KIF27: variants seen among roughly 807,000 people sequenced by gnomAD.
The protein encoded by KIF27 is kinesin family member 27.
KIF27 carries 84 observed loss-of-function variants against 141.8 expected under a neutral mutation model. The observed-to-expected ratio is 0.59, with a 90% CI of 0.50 to 0.71. KIF27 has a LOEUF of 0.71. Ranked by LOEUF, KIF27 falls within the 30% of genes least tolerant of loss-of-function variation. The pLI, the probability that KIF27 is intolerant of heterozygous loss-of-function variation, is 0.00. For synonymous variants in KIF27, 471 were observed against 569.5 expected (o/e 0.83, Z 2.46); for missense variants, 1,306 against 1,628.4 (o/e 0.80, Z 3.41).
At chr9:83,844,815 T>C (rs1947045119) in intron 16 of KIF27, among the ~76,000 whole-genome samples, 1 of 152,218 alleles carries the variant, frequency 6.6e-6, no homozygotes, top group South Asian at 2.1e-4. Flanking sequence ...CCTGTCGAAA[T>C]ATTCCTTCTA....
Position 83,915,638 on chromosome 9 carries a change from T to G in KIF27, c.-47A>C, listed in dbSNP as rs1339321729. 30 of 1,489,526 alleles carry G rather than the reference T, an allele frequency of 2.0e-5. No individual in the cohort carries two copies. Among genetic ancestry groups the G allele is most frequent in the Admixed American group, 4.4e-5 (2 of 45,268 alleles). The allele number at this position is 1,489,526 out of a possible 1,614,324, so 92.3% of individuals were successfully genotyped here. On this transcript the variant is annotated 5_prime_UTR_variant, in exon 2 of 18. Coordinates refer to ENST00000297814, the MANE Select transcript of KIF27 (RefSeq NM_017576.4). ...TAGATTTTCTATTTAATGTTCAGTATCTAGTGTGAGAGACTTCCATCTTAT... is the reference window on the plus strand; with the variant it reads ...TAGATTTTCTATTTAATGTTCAGTAGCTAGTGTGAGAGACTTCCATCTTAT...
At chr9:83,882,625 C>A (rs988577055) in intron 10 of KIF27, among the ~76,000 whole-genome samples, 3 of 152,152 alleles carry the variant, frequency 2.0e-5, no homozygotes, top group African/African-American at 7.2e-5. Flanking sequence ...TACAAAATTT[C>A]TAAAACTATG....
intron 11 of KIF27, among the ~76,000 whole-genome samples, chr9:83,871,317 T>C (rs1434066412): frequency 6.6e-6 from 1 of 152,182 alleles, no homozygotes; most frequent in Non-Finnish European, 1.5e-5. Flanking sequence ...CCAGGATAAT[T>C]AGCATATCTA....
intron 2 of KIF27, 22 bp from the exon 3 acceptor site, chr9:83,908,674 G>A: frequency 1.3e-6 from 2 of 1,503,710 alleles, no homozygotes; most frequent in South Asian, 1.3e-5. Context: ...GAAAAAGAAA[G>A]CACATCTGGA....
At chr9:83,862,267 T>C (rs1444838876) in intron 13 of KIF27, among the ~76,000 whole-genome samples, 1 of 152,086 alleles carries the variant, frequency 6.6e-6, no homozygotes. Flanking sequence ...ATGTCCTGAA[T>C]GGTATTGCCT....
rs527530149 is a variant in KIF27, at chr9:83,858,906, T to C, written c.3150+250A>G. The C allele has an allele frequency of 5.3e-5, 27 of 512,050 alleles. No individual in the cohort carries two copies. The Middle Eastern group carries it at 4.4e-3, about 83-fold the overall frequency. 31.7% of individuals were successfully genotyped at this position (512,050 alleles called of 1,614,324 possible). ...AGGAGGCAAATATACTCAAGGAAAGTAATAGTTTCCAAATGCCTGGCAGTG... is the reference window on the plus strand; with the variant it reads ...AGGAGGCAAATATACTCAAGGAAAGCAATAGTTTCCAAATGCCTGGCAGTG... On this transcript the variant is annotated intron_variant, in intron 14 of 17. Coordinates refer to ENST00000297814, the MANE Select transcript of KIF27 (RefSeq NM_017576.4).
intron 4 of KIF27, among the ~76,000 whole-genome samples, chr9:83,901,688 C>T (rs1343632281): frequency 6.6e-6 from 1 of 152,138 alleles, no homozygotes; most frequent in Non-Finnish European, 1.5e-5. Flanking sequence ...TCCTGGCCAA[C>T]ATGGTGAAAC....
chr9:83,884,421 AATT>A (rs1951922864), intron 9 of KIF27, among the ~76,000 whole-genome samples: 1 of 152,072 alleles, frequency 6.6e-6, no homozygotes, highest in South Asian at 2.1e-4. Context: ...TCCTTTTTTA[AATT>A]ATTATGAAAA....
Position 83,891,440 on chromosome 9 carries a change from A to C in KIF27, c.1664T>G (p.Leu555Arg). 6.2e-7 allele frequency: 1 copy of C among 1,613,864 alleles called. No individual in the cohort carries two copies. Among genetic ancestry groups the C allele is most frequent in the Non-Finnish European group, 8.5e-7 (1 of 1,179,868 alleles). ...VDQLSEELTK[L>R]NLSVTSSAKE... ...AGCTGAAGAAGTCACTGACAGGTTA[A>C]GTTTTGTTAGTTCTTCACTCAGTTG... Residue 555 changes from leucine to arginine, a missense_variant, in exon 6 of 18, where the codon CTT (leucine) becomes CGT (arginine). Transcript: ENST00000297814.
At chr9:83,884,747 C>A (rs1366602213) in intron 9 of KIF27, among the ~76,000 whole-genome samples, 1 of 152,130 alleles carries the variant, frequency 6.6e-6, no homozygotes, top group Admixed American at 6.5e-5. Flanking sequence ...ATGTGTCTCA[C>A]AATTGGTTTA....
intron 12 of KIF27, among the ~76,000 whole-genome samples, chr9:83,869,390 G>C (rs1239927714): frequency 2.0e-5 from 3 of 151,988 alleles, no homozygotes; most frequent in African/African-American, 7.3e-5. Flanking sequence ...AATATATAAA[G>C]TACATATACA....
chr9:83,908,353 G>C, intron 3 of KIF27, 99 bp downstream of exon 3: 2 of 610,058 alleles, frequency 3.3e-6, no homozygotes, highest in Admixed American at 3.2e-5. Flanking sequence ...TTCTGCATCT[G>C]TTTTTAAAGA....
rs1203164989 is a variant in KIF27 at position 83,883,893 on chromosome 9, CTT to C, written c.2363_2364del (p.Lys788ArgfsTer4). On this transcript the variant is annotated frameshift_variant, in exon 10 of 18. Coordinates refer to ENST00000297814, the MANE Select transcript of KIF27 (RefSeq NM_017576.4). LOFTEE classifies it high-confidence loss of function. The stretch of plus-strand genomic sequence containing the variant: ...ACCTTCATTGCAACATCAGAAAGAT[CTT>C]TGTTTTCCAGCTCCTGTAGCTGCTT... ...TQKQLQELENKDLSDVAMKVK... is the reference protein window; with the variant it reads ...TQKQLQELENXDLSDVAMKVK... The C allele has an allele frequency of 6.2e-7, 1 of 1,613,394 alleles. No homozygotes were observed. The highest frequency in any genetic ancestry group is 1.6e-4 in the Middle Eastern group (1 of 6,076).
At chr9:83,914,741 G>A (rs1955524178) in intron 2 of KIF27, among the ~76,000 whole-genome samples, 1 of 152,034 alleles carries the variant, frequency 6.6e-6, no homozygotes, top group Admixed American at 6.6e-5. Flanking sequence ...TCTATTACCA[G>A]ACACTTAACT....
intron 14 of KIF27, among the ~76,000 whole-genome samples, chr9:83,854,638 C>T (rs967563538): frequency 3.3e-5 from 5 of 152,132 alleles, no homozygotes; most frequent in South Asian, 4.1e-4. Context: ...TGGGCCCAAG[C>T]GAACCTCCTA....
Position 83,895,586 on chromosome 9 carries a change from A to T in KIF27, c.1602+4075T>A, listed in dbSNP as rs562045679. Among the ~76,000 whole-genome samples the T allele has an allele frequency of 3.9e-3, 592 of 152,188 alleles. 2 individuals carry two copies. Among genetic ancestry groups the T allele is most frequent in the African/African-American group, 0.014 (575 of 41,530 alleles). On this transcript the variant is annotated intron_variant, in intron 5 of 17. Coordinates refer to ENST00000297814, the MANE Select transcript of KIF27 (RefSeq NM_017576.4). Reference sequence around the variant, plus strand: ...GTATTTTTATAATAACTTTATTGAGACAAAATTCACATACTATAGAATCCA... The same window carrying T: ...GTATTTTTATAATAACTTTATTGAGTCAAAATTCACATACTATAGAATCCA...
At chr9:83,862,708 G>A (rs1950040899) in intron 13 of KIF27, among the ~76,000 whole-genome samples, 1 of 152,148 alleles carries the variant, frequency 6.6e-6, no homozygotes, top group Non-Finnish European at 1.5e-5. Context: ...CCAGTTCTGT[G>A]AAGAAAGTCA....
rs1947592060 is a variant in KIF27, at chr9:83,848,070, G to GTATGATATATCATATATATGAT, written c.3556+2028_3556+2029insATCATATATATGATATATCATA. Reference sequence around the variant, plus strand: ...ACATATATCTATATATCATATATATGATATATGATATATCATATATATGAT... The same window carrying GTATGATATATCATATATATGAT: ...ACATATATCTATATATCATATATATGTATGATATATCATATATATGATATATATGATATATCATATATATGAT... On this transcript the variant is annotated intron_variant, in intron 16 of 17. Coordinates refer to ENST00000297814, the MANE Select transcript of KIF27 (RefSeq NM_017576.4). Among the ~76,000 whole-genome samples the GTATGATATATCATATATATGAT allele has an allele frequency of 4.6e-5, 2 of 43,240 alleles. 1 individual carries two copies. Among genetic ancestry groups the GTATGATATATCATATATATGAT allele is most frequent in the Non-Finnish European group, 7.9e-5 (2 of 25,400 alleles). 28.4% of individuals were successfully genotyped at this position (43,240 alleles called of 152,430 possible). A position where few individuals can be genotyped will look rare whatever the true frequency, so the allele number is the denominator to read the frequency against.
intron 8 of KIF27, 24 bp from the exon 9 acceptor site, chr9:83,887,220 A>C: frequency 7.1e-7 from 1 of 1,415,626 alleles, no homozygotes; most frequent in Non-Finnish European, 9.4e-7. Flanking sequence ...TGGAGAAATA[A>C]AACTATCTGC....
Sources: allele counts gnomAD v4.1 joint callset (sites outside exome capture counted in the v4.1 genomes callset), GRCh38; gene constraint gnomAD v4.1.1; transcripts MANE v1.5; gene names NCBI Gene and HGNC (gene_info 2026-07-23, HGNC 2026-07-21).